CIB1: variants seen among roughly 807,000 people sequenced by gnomAD.
The protein encoded by CIB1 is calcium and integrin-binding protein 1.
In CIB1, 19 loss-of-function variants were observed where a neutral mutation model predicts 25.0. That is an observed-to-expected ratio of 0.76 (90% confidence interval 0.53 to 1.12). The LOEUF is 1.12. Ranked by LOEUF, CIB1 falls within the 50% of genes most tolerant of loss-of-function variation. The pLI, the probability that CIB1 is intolerant of heterozygous loss-of-function variation, is 0.00. For missense variants in CIB1, 236 were observed against 242.6 expected, an observed-to-expected ratio of 0.97 and a Z score of 0.18; for synonymous variants, 104 against 98.5, an observed-to-expected ratio of 1.06 and a Z score of -0.33.
chr15:90,265,582 A>AC, the CIB1 span: 1 of 1,401,704 alleles, frequency 7.1e-7, no homozygotes. Flanking sequence ...CCCAGATCTT[A>AC]CCCCCACCAA....
the CIB1 span, chr15:90,241,564 T>C: frequency 1.2e-6 from 2 of 1,613,342 alleles, no homozygotes; most frequent in South Asian, 2.2e-5. Flanking sequence ...CACCTCCACC[T>C]GCATGGCTAT....
the CIB1 span, chr15:90,241,894 A>G: frequency 2.5e-5 from 41 of 1,613,972 alleles, no homozygotes; most frequent in East Asian, 1.3e-4. Flanking sequence ...GAAGCTTTCA[A>G]TGTTGCCCTC....
At chr15:90,257,593 C>A in the CIB1 span, 12 of 1,573,674 alleles carry the variant, frequency 7.6e-6, no homozygotes, top group Non-Finnish European at 1.0e-5. Flanking sequence ...GAGAGGACGG[C>A]CGCATGCAGA....
chr15:90,243,639 G>GT, the CIB1 span: 1 of 96,882 alleles, frequency 1.0e-5, no homozygotes, highest in African/African-American at 4.2e-5. Context: ...CCTTGGTGCA[G>GT]GTTTTTTTTT....
intron 2 of CIB1, among the ~76,000 whole-genome samples, chr15:90,232,803 G>A (rs1962530897): frequency 6.7e-6 from 1 of 149,420 alleles, no homozygotes; most frequent in Non-Finnish European, 1.5e-5. Context: ...CTACTCAGGA[G>A]GCTGAGGCAG....
chr15:90,259,091 G>C, the CIB1 span: 1 of 1,428,644 alleles, frequency 7.0e-7, no homozygotes, highest in Admixed American at 2.3e-5. Flanking sequence ...GACCAGGCTT[G>C]GTGGCTCATA....
chr15:90,230,610 G>A, intron 6 of CIB1, 105 bp from the exon 7 acceptor site: 1 of 1,237,274 alleles, frequency 8.1e-7, no homozygotes, highest in Non-Finnish European at 1.2e-6. Flanking sequence ...AACGGGCTAT[G>A]TTCCGTGTGT....
At chr15:90,237,450 T>TA (rs1229971624), upstream of CIB1, among the ~76,000 whole-genome samples, 1 of 151,638 alleles carries the variant, frequency 6.6e-6, no homozygotes, top group Admixed American at 6.6e-5. Flanking sequence ...CACGCCCAGC[T>TA]AATTTTTGTA....
the CIB1 span, chr15:90,262,538 T>G: frequency 6.5e-7 from 1 of 1,529,608 alleles, no homozygotes; most frequent in South Asian, 1.2e-5. Flanking sequence ...GCAGGAGACC[T>G]CGGGCACTAA....
intron 2 of CIB1, 59 bp from the exon 3 acceptor site, chr15:90,232,386 TC>T (rs2151635689): frequency 6.5e-7 from 1 of 1,531,266 alleles, no homozygotes; most frequent in Non-Finnish European, 8.8e-7. Context: ...GTGTGTTCAT[TC>T]CCACTCCTTG....
chr15:90,255,388 T>C, the CIB1 span, among the ~76,000 whole-genome samples: 1 of 152,188 alleles, frequency 6.6e-6, no homozygotes, highest in Non-Finnish European at 1.5e-5. Flanking sequence ...TGGGGAATGC[T>C]TTCGTCTCAT....
chr15:90,243,951 T>C, the CIB1 span: 1 of 151,554 alleles, frequency 6.6e-6, no homozygotes, highest in Non-Finnish European at 1.5e-5. Context: ...GAGTTTTTTT[T>C]TTTTTTTCTT....
At chr15:90,252,249 C>T in the CIB1 span, among the ~76,000 whole-genome samples, 10 of 152,110 alleles carry the variant, frequency 6.6e-5, no homozygotes, top group South Asian at 4.1e-4. Context: ...GTTGGCCAGG[C>T]TGGTCTTGAA....
At chr15:90,261,419 C>T in the CIB1 span, among the ~76,000 whole-genome samples, 1 of 145,088 alleles carries the variant, frequency 6.9e-6, no homozygotes, top group Admixed American at 7.1e-5. Context: ...AATATCAAAA[C>T]ATATGTTACT....
At chr15:90,254,775 G>A in the CIB1 span, among the ~76,000 whole-genome samples, 1 of 152,176 alleles carries the variant, frequency 6.6e-6, no homozygotes, top group Non-Finnish European at 1.5e-5. Flanking sequence ...GAGCCTGGGA[G>A]GCAGAGGCCG....
the CIB1 span, chr15:90,262,592 G>A: frequency 6.5e-7 from 1 of 1,534,506 alleles, no homozygotes; most frequent in Non-Finnish European, 8.7e-7. Context: ...ATCAGCTGGG[G>A]AGAAAAGCCG....
upstream of CIB1, among the ~76,000 whole-genome samples, chr15:90,235,263 C>T (rs1962608040): frequency 6.6e-6 from 1 of 152,130 alleles, no homozygotes; most frequent in African/African-American, 2.4e-5. Flanking sequence ...AGGTACATTC[C>T]ATCATTGTAG....
the CIB1 span, among the ~76,000 whole-genome samples, chr15:90,260,759 G>A: frequency 6.6e-6 from 1 of 150,906 alleles, no homozygotes; most frequent in African/African-American, 2.4e-5. Flanking sequence ...GCTGAGGCAG[G>A]AGAATCGCTT....
At chr15:90,251,897 C>G in the CIB1 span, among the ~76,000 whole-genome samples, 6 of 151,420 alleles carry the variant, frequency 4.0e-5, no homozygotes, top group Non-Finnish European at 8.8e-5. Context: ...ATTTTTGAGA[C>G]AGAGTCTCGC....
Sources: gnomAD v4.1 joint callset for allele counts (sites outside exome capture counted in the v4.1 genomes callset) on GRCh38, gnomAD v4.1.1 for gene constraint, MANE v1.5 for transcripts, NCBI Gene and HGNC (gene_info 2026-07-23, HGNC 2026-07-21) for gene names.